ZNF544: variants seen among roughly 807,000 people sequenced by gnomAD.
ZNF544 encodes zinc finger protein AF020591.
ZNF544 carries 10 observed loss-of-function variants against 13.5 expected under a neutral mutation model. The ratio of observed to expected loss-of-function variants is 0.74; its 90% CI spans 0.46 to 1.25. The LOEUF is 1.25. ZNF544 is among the 50% of genes most tolerant of loss of function. The pLI, the probability that ZNF544 is intolerant of heterozygous loss-of-function variation, is 0.00. For missense variants in ZNF544, 896 were observed against 845.6 expected (o/e 1.06, Z -0.74); for synonymous variants, 323 against 300.5 (o/e 1.07, Z -0.77).
intron 3 of ZNF544, among the ~76,000 whole-genome samples, chr19:58,232,749 G>T (rs1385817633): frequency 7.0e-6 from 1 of 143,066 alleles, no homozygotes; most frequent in South Asian, 2.2e-4. Context: ...CTAACATGGG[G>T]AAACCCCGTC....
At chr19:58,238,823 A>G (rs2042965426) in intron 3 of ZNF544, among the ~76,000 whole-genome samples, 1 of 151,658 alleles carries the variant, frequency 6.6e-6, no homozygotes, top group South Asian at 2.1e-4. Context: ...CACAGGTTGT[A>G]GGGATTAGGA....
chr19:58,274,764 G>A (rs1168864394), intron 5 of ZNF544, among the ~76,000 whole-genome samples: 3 of 152,104 alleles, frequency 2.0e-5, no homozygotes, highest in East Asian at 1.9e-4. Flanking sequence ...CTTCACTTAA[G>A]GCAGTTGAGT....
rs557178874 is a variant in ZNF544, at chr19:58,254,864, C to CT, written c.245-5971dup. Among the ~76,000 whole-genome samples the CT allele has an allele frequency of 3.7e-3, 514 of 138,980 alleles. 3 individuals are homozygous for CT. Among genetic ancestry groups the CT allele is most frequent in the African/African-American group, 8.3e-3 (313 of 37,858 alleles). 91.2% of individuals were successfully genotyped at this position (138,980 alleles called of 152,430 possible). On this transcript the variant is annotated intron_variant, in intron 6 of 6. Coordinates refer to ENST00000687789, the MANE Select transcript of ZNF544 (RefSeq NM_014480.4). ...ACTGAGATTGAGAATTTCTTTCTTT[C>CT]TTTTTTTTTTTTTTTTCTTGAGACA...
intron 3 of ZNF544, among the ~76,000 whole-genome samples, 181 bp from the exon 4 acceptor site, chr19:58,243,784 C>G (rs748350247): frequency 6.6e-6 from 1 of 152,132 alleles, no homozygotes; most frequent in African/African-American, 2.4e-5. Flanking sequence ...ACAGCTGAGA[C>G]GCCCAGCACA....
chr19:58,239,305 T>C (rs11883136), intron 3 of ZNF544, among the ~76,000 whole-genome samples: 11,582 of 152,080 alleles, frequency 0.076, 920 homozygotes, highest in African/African-American at 0.19. Flanking sequence ...GCCCACCAGA[T>C]TGCAGCCAGT....
At chr19:58,250,364 A>G (rs1253816496) in intron 6 of ZNF544, among the ~76,000 whole-genome samples, 1 of 152,216 alleles carries the variant, frequency 6.6e-6, no homozygotes, top group Admixed American at 6.5e-5. Flanking sequence ...GAACCAAAAG[A>G]TAACTAGATG....
At chr19:58,269,641 G>A (rs2050382803) in intron 5 of ZNF544, among the ~76,000 whole-genome samples, 1 of 148,476 alleles carries the variant, frequency 6.7e-6, no homozygotes, top group Non-Finnish European at 1.5e-5. Context: ...AGATGGCAGG[G>A]CTGGCATGGT....
Position 58,261,680 on chromosome 19 carries a change from G to C in ZNF544, c.1074G>C (p.Gln358His), listed in dbSNP as rs1266587300. ...QTTEKPSVCNQCGKSFSCCKL... is the reference protein window; with the variant it reads ...QTTEKPSVCNHCGKSFSCCKL... The stretch of plus-strand genomic sequence containing the variant: ...CAGAGAAGCCATCTGTGTGTAATCA[G>C]TGTGGAAAATCTTTCAGCTGTTGTA... Residue 358 changes from glutamine (Q) to histidine (H), a missense_variant, in exon 7 of 7, where the codon CAG becomes CAC. By Grantham distance (24) the Gln-to-His change is conservative (BLOSUM62 0). Coordinates refer to ENST00000687789, the MANE Select transcript of ZNF544 (RefSeq NM_014480.4). 3 of 1,614,204 alleles carry C rather than the reference G, an allele frequency of 1.9e-6. No homozygotes were observed. The highest frequency in any genetic ancestry group is 1.3e-5 in the African/African-American group (1 of 75,054).
At chr19:58,269,925 C>T (rs1196102167) in intron 5 of ZNF544, among the ~76,000 whole-genome samples, 3 of 152,022 alleles carry the variant, frequency 2.0e-5, no homozygotes, top group African/African-American at 7.2e-5. Context: ...TGTCTCAAAA[C>T]AGAGCAAATG....
Position 58,243,960 on chromosome 19 carries a change from C to G in ZNF544, c.-59-5C>G, listed in dbSNP as rs998912869. The G allele has an allele frequency of 1.9e-6, 3 of 1,565,390 alleles. No homozygotes were observed. The highest frequency in any genetic ancestry group is 2.7e-5 in the African/African-American group (2 of 72,834). On this transcript the variant is annotated splice_polypyrimidine_tract_variant and splice_region_variant and intron_variant, in intron 3 of 6. Coordinates refer to ENST00000687789, the MANE Select transcript of ZNF544 (RefSeq NM_014480.4). ...GGCTGAATCTCTGCTTGTTTTCCAC[C>G]CCAGACTGGTCTTCTGAGGACCTCT...
chr19:58,265,317 A>AT (rs1180903855), downstream of ZNF544, among the ~76,000 whole-genome samples: 2 of 85,758 alleles, frequency 2.3e-5, no homozygotes, highest in Non-Finnish European at 5.4e-5. Flanking sequence ...TATTTATTTA[A>AT]GACAGTCTCA....
downstream of ZNF544, among the ~76,000 whole-genome samples, chr19:58,265,862 C>T (rs935579924): frequency 2.0e-4 from 31 of 151,848 alleles, no homozygotes; most frequent in African/African-American, 7.2e-4. Context: ...CCTGGGATTA[C>T]AGGCATGAGC....
chr19:58,264,590 C>T (rs1007081631), downstream of ZNF544, among the ~76,000 whole-genome samples: 1 of 151,746 alleles, frequency 6.6e-6, no homozygotes, highest in African/African-American at 2.4e-5. Context: ...ACTTGGGAGG[C>T]TGAGGCATGA....
chr19:58,277,064 A>G lies in ZNF544; in HGVS notation c.352-119A>G, dbSNP rs1396410545. 1.2e-5 allele frequency: 7 copies of G among 566,094 alleles called. 1 individual carries two copies. The highest frequency in any genetic ancestry group is 3.5e-5 in the East Asian group (1 of 28,490). The allele number at this position is 566,094 out of a possible 1,614,324, so 35.1% of individuals were successfully genotyped here. A position where few individuals can be genotyped will look rare whatever the true frequency, so the allele number is the denominator to read the frequency against. On this transcript the variant is annotated intron_variant, in intron 6 of 6. Coordinates refer to the ZNF544 transcript ENST00000595981. ...GTATCAGTCTGATTATGTGGCATTT[A>G]GCCTAAGTGACTCTGTCTTGGTTTG...
At chr19:58,275,783 C>G (rs1330843242) in intron 5 of ZNF544, among the ~76,000 whole-genome samples, 1 of 66,224 alleles carries the variant, frequency 1.5e-5, no homozygotes, top group Admixed American at 2.1e-4. Context: ...GACCCTGTCT[C>G]AAAAAAAAAA....
chr19:58,248,023 C>G (rs1248351884), intron 6 of ZNF544, among the ~76,000 whole-genome samples: 1 of 151,946 alleles, frequency 6.6e-6, no homozygotes, highest in Non-Finnish European at 1.5e-5. Flanking sequence ...AAGTGATTTT[C>G]CTGCCTCAAC....
At chr19:58,244,871 G>A (rs1034439142) in intron 4 of ZNF544, among the ~76,000 whole-genome samples, 9 of 150,952 alleles carry the variant, frequency 6.0e-5, no homozygotes, top group African/African-American at 1.2e-4. Context: ...GCCACCATGC[G>A]CAGCCTCTTC....
At chr19:58,249,725 G>A (rs2045985284) in intron 6 of ZNF544, among the ~76,000 whole-genome samples, 1 of 152,170 alleles carries the variant, frequency 6.6e-6, no homozygotes, top group Non-Finnish European at 1.5e-5. Flanking sequence ...CCCCTTTACA[G>A]CAGTTAGGAG....
chr19:58,266,797 G>C (rs1257136903), downstream of ZNF544: 1 of 152,172 alleles, frequency 6.6e-6, no homozygotes, highest in African/African-American at 2.4e-5. Flanking sequence ...TTAGTTCAGG[G>C]GACAAGGGAA....
Sources: allele counts gnomAD v4.1 joint callset (sites outside exome capture counted in the v4.1 genomes callset), GRCh38; gene constraint gnomAD v4.1.1; transcripts MANE v1.5; gene names NCBI Gene and HGNC (gene_info 2026-07-23, HGNC 2026-07-21).